MEPCE: variants seen among roughly 807,000 people sequenced by gnomAD.
MEPCE encodes 7SK snRNA methylphosphate capping enzyme.
MEPCE carries 9 observed loss-of-function variants against 52.3 expected under a neutral mutation model. The observed-to-expected ratio is 0.17, with a 90% CI of 0.10 to 0.30. The LOEUF (loss-of-function observed/expected upper bound fraction) is 0.30, where lower values mean the gene tolerates loss of function less well. MEPCE is among the 10% of genes least tolerant of loss of function. MEPCE has a pLI of 1.00. For missense variants in MEPCE, 826 were observed against 933.0 expected, an observed-to-expected ratio of 0.89 and a Z score of 1.49; for synonymous variants, 477 against 401.6, an observed-to-expected ratio of 1.19 and a Z score of -2.25.
At chr7:100,432,367 T>A (rs1280827638) in intron 1 of MEPCE, among the ~76,000 whole-genome samples, 1 of 152,148 alleles carries the variant, frequency 6.6e-6, no homozygotes, top group Non-Finnish European at 1.5e-5. Flanking sequence ...CCTACTGGGA[T>A]CTTTGGCATT....
intron 1 of MEPCE, among the ~76,000 whole-genome samples, chr7:100,432,697 C>T (rs530470746): frequency 1.3e-5 from 2 of 152,308 alleles, no homozygotes; most frequent in South Asian, 4.1e-4. Flanking sequence ...GCTCCGTCGA[C>T]CTTTTTTGGC....
intron 1 of MEPCE, 46 bp from the exon 2 acceptor site, chr7:100,432,872 GT>G: frequency 1.3e-6 from 2 of 1,572,666 alleles, no homozygotes; most frequent in Non-Finnish European, 1.7e-6. Context: ...GGGAGCAGGG[GT>G]TCTTTGATTC....
Position 100,430,313 on chromosome 7 carries a change from C to G in MEPCE, c.295C>G (p.Arg99Gly). Residue 99 changes from arginine to glycine, a missense_variant, in exon 1 of 4, where the codon CGC becomes GGC. By Grantham distance (125) the Arg-to-Gly change is moderately radical. Around this residue, in one of 7 missense-constraint regions of MEPCE, gnomAD observed 314 missense variants for 277.7 expected, o/e 1.13. Coordinates refer to ENST00000310512, the MANE Select transcript of MEPCE (RefSeq NM_019606.6). ...CCAGGCGCAGTCGCATGGGGAGGCC[C>G]GCCTGTCGGATCCCCCGGGGCGAGC... ...GPQAQSHGEA[R>G]LSDPPGRAAP... 1 of 1,419,310 alleles carries G rather than the reference C, an allele frequency of 7.0e-7. No homozygotes were observed. The highest frequency in any genetic ancestry group is 9.2e-7 in the Non-Finnish European group (1 of 1,090,326). 87.9% of individuals were successfully genotyped at this position (1,419,310 alleles called of 1,614,324 possible).
At chr7:100,432,781 T>G in intron 1 of MEPCE, 138 bp from the exon 2 acceptor site, 3 of 753,520 alleles carry the variant, frequency 4.0e-6, no homozygotes, top group Non-Finnish European at 4.6e-6. Context: ...GCAGGCACCT[T>G]TTGGGAGTTA....
Position 100,430,321 on chromosome 7 carries a change from G to A in MEPCE, c.303G>A (p.Ser101=), listed in dbSNP as rs1413203001. The part of the protein sequence containing the change: ...QAQSHGEARL[S]DPPGRAAPPD... Reference sequence around the variant, plus strand: ...AGTCGCATGGGGAGGCCCGCCTGTCGGATCCCCCGGGGCGAGCCGCTCCCC... The same window carrying A: ...AGTCGCATGGGGAGGCCCGCCTGTCAGATCCCCCGGGGCGAGCCGCTCCCC... Residue 101 remains serine (S), a synonymous_variant, in exon 1 of 4, where the codon TCG becomes TCA. Coordinates refer to ENST00000310512, the MANE Select transcript of MEPCE (RefSeq NM_019606.6). The A allele has an allele frequency of 4.2e-6, 6 of 1,418,032 alleles. No homozygotes were observed. In the Admixed American group the frequency reaches 1.8e-4, roughly 42 times the overall value. The allele number at this position is 1,418,032 out of a possible 1,614,324, so 87.8% of individuals were successfully genotyped here. A position where few individuals can be genotyped will look rare whatever the true frequency, so the allele number is the denominator to read the frequency against.
In MEPCE at chr7:100,430,015, G is replaced by A; in HGVS notation, c.-4G>A. On this transcript the variant is annotated 5_prime_UTR_variant, in exon 1 of 4. Transcript: ENST00000310512. ...CCCCGACTGGCACGGAATAAGGGGAGGAAATGATCGAGATGGCGGCGGAGA... is the reference window on the plus strand; with the variant it reads ...CCCCGACTGGCACGGAATAAGGGGAAGAAATGATCGAGATGGCGGCGGAGA... 1 of 1,269,156 alleles carries A rather than the reference G, an allele frequency of 7.9e-7. No individual in the cohort carries two copies. The highest frequency in any genetic ancestry group is 2.9e-5 in the South Asian group (1 of 35,038). The allele number at this position is 1,269,156 out of a possible 1,614,324, so 78.6% of individuals were successfully genotyped here. A position where few individuals can be genotyped will look rare whatever the true frequency, so the allele number is the denominator to read the frequency against.
chr7:100,430,078 C>G lies in MEPCE; in HGVS notation c.60C>G (p.Leu20=), dbSNP rs1405583004. 1.6e-6 allele frequency: 2 copies of G among 1,267,264 alleles called. No individual in the cohort carries two copies. The highest frequency in any genetic ancestry group is 1.5e-5 in the African/African-American group (1 of 64,602). 78.5% of individuals were successfully genotyped at this position (1,267,264 alleles called of 1,614,324 possible). Residue 20 remains leucine, a synonymous_variant, in exon 1 of 4, where the codon CTC becomes CTG. Coordinates refer to ENST00000310512, the MANE Select transcript of MEPCE (RefSeq NM_019606.6). The part of the protein sequence containing the change: ...PFLVPAPPPP[L]KDESGGGGGP... Reference sequence around the variant, plus strand: ...TGGTGCCGGCCCCGCCGCCGCCGCTCAAAGATGAGTCGGGCGGAGGGGGCG... The same window carrying G: ...TGGTGCCGGCCCCGCCGCCGCCGCTGAAAGATGAGTCGGGCGGAGGGGGCG...
At position 100,431,057 on chromosome 7, in the gene MEPCE, C is replaced by G; in HGVS notation, c.1039C>G (p.Pro347Ala). 6.2e-7 allele frequency: 1 copy of G among 1,613,868 alleles called. No individual in the cohort carries two copies. The highest frequency in any genetic ancestry group is 8.5e-7 in the Non-Finnish European group (1 of 1,180,034). Reference sequence around the variant, plus strand: ...TCCCTCAGGCTCCCTATCAGCCCCTCCAGCTGCCTCAGTTATCTCTGCACC... The same window carrying G: ...TCCCTCAGGCTCCCTATCAGCCCCTGCAGCTGCCTCAGTTATCTCTGCACC... ...QGPSGSLSAP[P>A]AASVISAPPS... Residue 347 changes from proline to alanine, a missense_variant, in exon 1 of 4, where the codon CCA becomes GCA. By Grantham distance (27) the Pro-to-Ala change is conservative. Around this residue, in one of 7 missense-constraint regions of MEPCE, gnomAD observed 307 missense variants for 292.1 expected, o/e 1.05. Coordinates refer to ENST00000310512, the MANE Select transcript of MEPCE (RefSeq NM_019606.6).
upstream of MEPCE, chr7:100,429,135 G>C (rs1448164057): frequency 6.6e-6 from 1 of 152,196 alleles, no homozygotes; most frequent in Non-Finnish European, 1.5e-5. Context: ...CCTCGGAAGC[G>C]CTTCTAAGAA....
rs553476908 is a variant in MEPCE at position 100,430,292 on chromosome 7, G to A, written c.274G>A (p.Ala92Thr). ...AQQHRGGGPQ[A>T]QSHGEARLSD... ...GCAGCACCGAGGGGGCGGCCCCCAG[G>A]CGCAGTCGCATGGGGAGGCCCGCCT... is the stretch of plus-strand genomic sequence containing the variant. Residue 92 changes from alanine to threonine, a missense_variant, in exon 1 of 4, where the codon GCG (alanine) becomes ACG (threonine). By Grantham distance (58) the Ala-to-Thr change is moderately conservative. Around this residue, in one of 7 missense-constraint regions of MEPCE, gnomAD observed 314 missense variants for 277.7 expected, o/e 1.13. Transcript: ENST00000310512. 7.1e-7 allele frequency: 1 copy of A among 1,407,446 alleles called. No individual in the cohort carries two copies. Among genetic ancestry groups the A allele is most frequent in the Non-Finnish European group, 9.2e-7 (1 of 1,084,876 alleles). The allele number at this position is 1,407,446 out of a possible 1,614,324, so 87.2% of individuals were successfully genotyped here. A position where few individuals can be genotyped will look rare whatever the true frequency, so the allele number is the denominator to read the frequency against.
chr7:100,430,268 C>G lies in MEPCE; in HGVS notation c.250C>G (p.Gln84Glu), dbSNP rs1157769163. ...CTCCTCCAGTGGTCCCCAGGCGCAG[C>G]AGCACCGAGGGGGCGGCCCCCAGGC... ...ATSSSGPQAQQHRGGGPQAQS... is the reference protein window; with the variant it reads ...ATSSSGPQAQEHRGGGPQAQS... The change falls in exon 1 of 4, where the codon CAG becomes GAG. Residue 84 changes from glutamine to glutamate, a missense_variant. By Grantham distance (29) the Gln-to-Glu change is conservative. Coordinates refer to ENST00000310512, the MANE Select transcript of MEPCE (RefSeq NM_019606.6). 2 of 1,395,882 alleles carry G rather than the reference C, an allele frequency of 1.4e-6. No homozygotes were observed. Among genetic ancestry groups the G allele is most frequent in the Non-Finnish European group, 1.9e-6 (2 of 1,079,786 alleles). 86.5% of individuals were successfully genotyped at this position (1,395,882 alleles called of 1,614,324 possible). A position where few individuals can be genotyped will look rare whatever the true frequency, so the allele number is the denominator to read the frequency against.
chr7:100,432,420 GATGA>G (rs1798744809), intron 1 of MEPCE, among the ~76,000 whole-genome samples: 1 of 152,186 alleles, frequency 6.6e-6, no homozygotes, highest in Non-Finnish European at 1.5e-5. Context: ...AGAGGGTTGT[GATGA>G]GCTGAGCTTC....
Position 100,430,065 on chromosome 7 carries a change from C to G in MEPCE, c.47C>G (p.Pro16Arg), listed in dbSNP as rs199973116. 10,069 of 1,264,340 alleles carry G rather than the reference C, an allele frequency of 8.0e-3. 74 individuals are homozygous for G. Among genetic ancestry groups the G allele is most frequent in the South Asian group, 9.7e-3 (333 of 34,232 alleles). The allele number at this position is 1,264,340 out of a possible 1,614,324, so 78.3% of individuals were successfully genotyped here. ...AAGGAGCCGTTTCTGGTGCCGGCCC[C>G]GCCGCCGCCGCTCAAAGATGAGTCG... ...AEKEPFLVPA[P>R]PPPLKDESGG... The change falls in exon 1 of 4, where the codon CCG becomes CGG. Residue 16 changes from proline (P) to arginine (R), a missense_variant. By Grantham distance (103) the Pro-to-Arg change is moderately radical (BLOSUM62 -2). Around this residue, in one of 7 missense-constraint regions of MEPCE, gnomAD observed 314 missense variants for 277.7 expected, o/e 1.13. Coordinates refer to ENST00000310512, the MANE Select transcript of MEPCE (RefSeq NM_019606.6).
rs534082087 is a variant in MEPCE, at chr7:100,433,592, C to T, written c.*38C>T. On this transcript the variant is annotated 3_prime_UTR_variant, in exon 4 of 4. Coordinates refer to ENST00000310512, the MANE Select transcript of MEPCE (RefSeq NM_019606.6). ...ACAGAAAGTGTGAAGAGGCTGCCCT[C>T]GCTGCTCATAAGGACCTGGGGGAAG... 8 of 1,598,046 alleles carry T rather than the reference C, an allele frequency of 5.0e-6. No homozygotes were observed. Among genetic ancestry groups the T allele is most frequent in the South Asian group, 1.1e-5 (1 of 90,504 alleles).
chr7:100,428,790 G>C (rs1798257750), upstream of MEPCE: 1 of 143,934 alleles, frequency 6.9e-6, no homozygotes, highest in Non-Finnish European at 1.5e-5. Flanking sequence ...CGCGGTGGGT[G>C]TTGAGAGGCC....
At position 100,431,261 on chromosome 7, in the gene MEPCE, T is replaced by C. The variant is rs747297073; in HGVS notation, c.1243T>C (p.Tyr415His). 6.2e-7 allele frequency: 1 copy of C among 1,614,042 alleles called. No homozygotes were observed. The highest frequency in any genetic ancestry group is 1.1e-5 in the South Asian group (1 of 91,080). Residue 415 changes from tyrosine (Y) to histidine (H), a missense_variant, in exon 1 of 4, where the codon TAT becomes CAT. By Grantham distance (83) the Tyr-to-His change is moderately conservative. Around this residue, in one of 7 missense-constraint regions of MEPCE, gnomAD observed 307 missense variants for 292.1 expected, o/e 1.05. Coordinates refer to ENST00000310512, the MANE Select transcript of MEPCE (RefSeq NM_019606.6). ...CAAAAAGCAACAGCGCAAGTTCCAG[T>C]ATGGGAATTATTGCAAATACTATGG... ...GFKKQQRKFQ[Y>H]GNYCKYYGYR... is the part of the protein sequence containing the mutation.
At chr7:100,429,081 C>T (rs1798314983), upstream of MEPCE, 1 of 152,246 alleles carries the variant, frequency 6.6e-6, no homozygotes, top group Non-Finnish European at 1.5e-5. Flanking sequence ...GAGCCCAGTT[C>T]CACTCCCGCC....
At chr7:100,431,713 G>C (rs1458845521) in intron 1 of MEPCE, 24 bp downstream of exon 1, 1 of 1,542,644 alleles carries the variant, frequency 6.5e-7, no homozygotes, top group Non-Finnish European at 8.7e-7. Context: ...GAGGCTCTTG[G>C]AATAGGGGCC....
At chr7:100,429,768 G>A (rs986225343), upstream of MEPCE, 1 of 379,216 alleles carries the variant, frequency 2.6e-6, no homozygotes, top group African/African-American at 2.1e-5. Flanking sequence ...GGTGGTAGTG[G>A]CGGAGGAGAA....
Sources: gnomAD v4.1 joint callset for allele counts (sites outside exome capture counted in the v4.1 genomes callset) on GRCh38, gnomAD v4.1.1 for gene constraint, gnomAD v4.1.1 regional missense constraint, MANE v1.5 for transcripts, NCBI Gene and HGNC (gene_info 2026-07-23, HGNC 2026-07-21) for gene names.